Variants in IFT80 observed in about 807,000 individuals in gnomAD.
The protein encoded by IFT80 is intraflagellar transport protein 80 homolog.
A neutral mutation model predicts 107.9 loss-of-function variants in IFT80; 79 were observed. The observed-to-expected ratio is 0.73, with a 90% CI of 0.61 to 0.88. The LOEUF is 0.88. Ranked by LOEUF, IFT80 falls within the 40% of genes least tolerant of loss-of-function variation. IFT80 has a pLI of 0.00. For missense variants in IFT80, 797 were observed against 914.2 expected, an observed-to-expected ratio of 0.87 and a Z score of 1.65; for synonymous variants, 299 against 300.9, an observed-to-expected ratio of 0.99 and a Z score of 0.07.
chr3:160,318,094 G>A (rs1559936719), intron 9 of IFT80, among the ~76,000 whole-genome samples: 1 of 151,662 alleles, frequency 6.6e-6, no homozygotes, highest in Non-Finnish European at 1.5e-5. Flanking sequence ...AATTTGGGGA[G>A]CAAGGAAAGT....
At chr3:160,341,612 G>T (rs1719901385) in intron 8 of IFT80, among the ~76,000 whole-genome samples, 1 of 151,900 alleles carries the variant, frequency 6.6e-6, no homozygotes, top group African/African-American at 2.4e-5. Flanking sequence ...TTTAAAATTG[G>T]GACTAAGATT....
chr3:160,338,097 A>G (rs955182165), intron 8 of IFT80, among the ~76,000 whole-genome samples: 1 of 152,218 alleles, frequency 6.6e-6, no homozygotes, highest in Non-Finnish European at 1.5e-5. Context: ...CAGCATAGAA[A>G]TAAGGTGGCT....
intron 5 of IFT80, among the ~76,000 whole-genome samples, chr3:160,372,496 A>G (rs553872427): frequency 4.6e-5 from 7 of 152,344 alleles, no homozygotes; most frequent in Admixed American, 2.6e-4. Flanking sequence ...CCGGAGATGA[A>G]AAAGGAAAAG....
intron 11 of IFT80, among the ~76,000 whole-genome samples, chr3:160,303,530 T>G (rs1260322623): frequency 1.3e-5 from 2 of 152,356 alleles, no homozygotes; most frequent in East Asian, 3.9e-4. Flanking sequence ...GTAAAAACTC[T>G]TTAATAGTTA....
At position 160,375,707 on chromosome 3, in the gene IFT80, A is replaced by C. The variant is rs1000026255; in HGVS notation, c.439+105T>G. 4.9e-5 allele frequency: 37 copies of C among 761,070 alleles called. No homozygotes were observed. The Admixed American group carries it at 5.9e-4, about 12-fold the overall frequency. 47.1% of individuals were successfully genotyped at this position (761,070 alleles called of 1,614,324 possible). ...AGAGATTACTGTTTTGAACTCAACC[A>C]AAGTCAGTCTCAACCACCGTATTAG... On this transcript the variant is annotated intron_variant, in intron 5 of 19. Coordinates refer to ENST00000326448, the MANE Select transcript of IFT80 (RefSeq NM_020800.3).
chr3:160,384,299 T>C, intron 2 of IFT80: 1 of 717,582 alleles, frequency 1.4e-6, no homozygotes, highest in Admixed American at 5.7e-5. Flanking sequence ...AAACAAAAAC[T>C]GCTTTTTAAG....
chr3:160,262,202 A>G lies in IFT80; in HGVS notation c.2224-3567T>C, dbSNP rs191116995. ...ATCTCAATGAAAGGTAACTCAAAACAGTGTCTTGGAACTCTGGGTTACATA... is the reference window on the plus strand; with the variant it reads ...ATCTCAATGAAAGGTAACTCAAAACGGTGTCTTGGAACTCTGGGTTACATA... On this transcript the variant is annotated intron_variant, in intron 19 of 19. Transcript: ENST00000326448. Among the ~76,000 whole-genome samples the G allele has an allele frequency of 1.1e-4, 16 of 152,298 alleles. No individual in the cohort carries two copies. The East Asian group carries it at 2.1e-3, about 20-fold the overall frequency.
intron 8 of IFT80, among the ~76,000 whole-genome samples, chr3:160,323,549 A>G (rs550568451): frequency 2.0e-4 from 31 of 152,170 alleles, no homozygotes; most frequent in African/African-American, 7.5e-4. Context: ...AATGAAATGA[A>G]GGCAGAAATA....
At chr3:160,390,347 G>A (rs1372786259) in intron 1 of IFT80, among the ~76,000 whole-genome samples, 3 of 151,564 alleles carry the variant, frequency 2.0e-5, no homozygotes, top group Non-Finnish European at 4.4e-5. Flanking sequence ...AACCCGGGAG[G>A]CAGAGGTTGC....
chr3:160,316,474 C>T (rs376871280), intron 9 of IFT80, among the ~76,000 whole-genome samples: 2 of 152,242 alleles, frequency 1.3e-5, no homozygotes, highest in East Asian at 1.9e-4. Flanking sequence ...ATAATTGTTG[C>T]TGTTTAAGCC....
intron 12 of IFT80, among the ~76,000 whole-genome samples, chr3:160,293,126 A>T (rs1217410004): frequency 6.6e-6 from 1 of 152,244 alleles, no homozygotes; most frequent in Non-Finnish European, 1.5e-5. Flanking sequence ...AAAATATTAC[A>T]TTAATGCTTC....
At chr3:160,279,062 T>C (rs188728720) in intron 16 of IFT80, 131 bp downstream of exon 16, 32 of 694,902 alleles carry the variant, frequency 4.6e-5, no homozygotes, top group African/African-American at 4.3e-4. Context: ...GCCCATGTCT[T>C]TACTTATAAA....
At position 160,356,798 on chromosome 3, in the gene IFT80, G is replaced by C. The variant is rs1721125173; in HGVS notation, c.640-648C>G. On this transcript the variant is annotated intron_variant, in intron 7 of 19. Transcript: ENST00000326448. ...GGCCTCTCAAAGCACTGGGGTTATA[G>C]GTATGAGCTACCATACCTAGCTTGC... 2.0e-5 allele frequency among the ~76,000 whole-genome samples: 3 copies of C among 152,078 alleles called. No homozygotes were observed. In the South Asian group the frequency reaches 6.2e-4, roughly 32 times the overall value.
At chr3:160,328,841 T>C (rs1052726885) in intron 8 of IFT80, among the ~76,000 whole-genome samples, 4 of 152,098 alleles carry the variant, frequency 2.6e-5, no homozygotes, top group Admixed American at 2.6e-4. Flanking sequence ...CTCAGGGACA[T>C]GGATGGAGTT....
intron 3 of IFT80, among the ~76,000 whole-genome samples, chr3:160,380,956 T>C (rs1329495224): frequency 6.6e-6 from 1 of 151,908 alleles, no homozygotes; most frequent in African/African-American, 2.4e-5. Flanking sequence ...TAAAGCCAGC[T>C]GGGCATGGTG....
rs146065418 is a variant in IFT80, at chr3:160,319,780, T to A, written c.937A>T (p.Thr313Ser). 1.2e-6 allele frequency: 2 copies of A among 1,612,848 alleles called. No individual in the cohort carries two copies. Among genetic ancestry groups the A allele is most frequent in the African/African-American group, 2.7e-5 (2 of 74,850 alleles). Reference sequence around the variant, plus strand: ...AATACCTGCATGGCTCTTCTTTTCGTTAATGTTACTTGAAAATTTTTCCAC... The same window carrying A: ...AATACCTGCATGGCTCTTCTTTTCGATAATGTTACTTGAAAATTTTTCCAC... ...WEWKNFQVTL[T>S]KRRAMQVRNV... The change falls in exon 9 of 20, where the codon ACG becomes TCG. Residue 313 changes from threonine (T) to serine (S), a missense_variant. By Grantham distance (58) the Thr-to-Ser change is moderately conservative. Coordinates refer to ENST00000326448, the MANE Select transcript of IFT80 (RefSeq NM_020800.3).
At chr3:160,279,877 A>G (rs1559916295) in intron 15 of IFT80, among the ~76,000 whole-genome samples, 1 of 152,214 alleles carries the variant, frequency 6.6e-6, no homozygotes, top group African/African-American at 2.4e-5. Flanking sequence ...AGCCATGATT[A>G]CACCACTGCA....
At chr3:160,336,069 C>T (rs1719441365) in intron 8 of IFT80, among the ~76,000 whole-genome samples, 1 of 152,148 alleles carries the variant, frequency 6.6e-6, no homozygotes, top group South Asian at 2.1e-4. Flanking sequence ...TGGATGGACA[C>T]TTCAATTTTT....
At chr3:160,378,810 C>T (rs992116256) in intron 3 of IFT80, among the ~76,000 whole-genome samples, 2 of 151,740 alleles carry the variant, frequency 1.3e-5, no homozygotes, top group African/African-American at 4.8e-5. Flanking sequence ...AATATATGGG[C>T]ATGGGACAGG....
Sources: allele counts gnomAD v4.1 joint callset (sites outside exome capture counted in the v4.1 genomes callset), GRCh38; gene constraint gnomAD v4.1.1; transcripts MANE v1.5; gene names NCBI Gene and HGNC (gene_info 2026-07-23, HGNC 2026-07-21).